Variants in CEP85L observed in about 807,000 individuals in gnomAD.
The protein encoded by CEP85L is centrosomal protein 85L.
In CEP85L, 60 loss-of-function variants were observed where a neutral mutation model predicts 100.3. The ratio of observed to expected loss-of-function variants is 0.60; its 90% confidence interval spans 0.49 to 0.74. The LOEUF is 0.74. Among genes scored for constraint, CEP85L ranks in the 30% least tolerant of loss-of-function variants. CEP85L has a pLI of 0.00. For missense variants in CEP85L, 973 were observed against 936.2 expected (o/e 1.04, Z -0.51); for synonymous variants, 319 against 322.7 (o/e 0.99, Z 0.12).
chr6:118,644,875 C>A (rs1413253715), intron 1 of CEP85L, among the ~76,000 whole-genome samples: 1 of 152,180 alleles, frequency 6.6e-6, no homozygotes, highest in Non-Finnish European at 1.5e-5. Context: ...TCTACAATTT[C>A]TTCTTCCACA....
intron 5 of CEP85L, among the ~76,000 whole-genome samples, chr6:118,505,298 G>C (rs936447456): frequency 6.6e-6 from 1 of 150,606 alleles, no homozygotes; most frequent in African/African-American, 2.4e-5. Context: ...AAAATTAGCT[G>C]TGTGTGGTGA....
intron 2 of CEP85L, among the ~76,000 whole-genome samples, chr6:118,571,587 A>ATCTC (rs376033990): frequency 6.7e-6 from 1 of 149,922 alleles, no homozygotes; most frequent in Non-Finnish European, 1.5e-5. Context: ...CAGGGATGGT[A>ATCTC]TCTCTCTCTC....
intron 1 of CEP85L, among the ~76,000 whole-genome samples, chr6:118,699,990 C>T (rs752182960): frequency 1.3e-5 from 2 of 152,148 alleles, no homozygotes; most frequent in Non-Finnish European, 2.9e-5. Flanking sequence ...CCACCATACC[C>T]GGCCTCTACT....
chr6:118,470,498 A>G (rs1266970060), intron 11 of CEP85L, 39 bp downstream of exon 11: 3 of 1,241,306 alleles, frequency 2.4e-6, no homozygotes, highest in Non-Finnish European at 3.4e-6. Context: ...TTTATAGTGA[A>G]TCATCCTTTC....
chr6:118,544,098 C>T (rs1051713893), intron 3 of CEP85L, among the ~76,000 whole-genome samples: 6 of 151,504 alleles, frequency 4.0e-5, no homozygotes, highest in African/African-American at 1.5e-4. Context: ...ATGCGAGGAG[C>T]TCAAAGGGCT....
rs567957549 is a variant in CEP85L, at chr6:118,473,455, G to A, written c.1915-2811C>T. Among the ~76,000 whole-genome samples, 7 of 152,150 alleles carry A rather than the reference G, an allele frequency of 4.6e-5. No individual in the cohort carries two copies. In the South Asian group the frequency reaches 1.5e-3, roughly 32 times the overall value. On this transcript the variant is annotated intron_variant, in intron 10 of 12. Transcript: ENST00000368491. ...TCTGTGTTTGAGAAAAAGCAAGAGAGCCAGGATGGCTGAGAATAGTAGGAG... is the reference window on the plus strand; with the variant it reads ...TCTGTGTTTGAGAAAAAGCAAGAGAACCAGGATGGCTGAGAATAGTAGGAG...
intron 6 of CEP85L, among the ~76,000 whole-genome samples, chr6:118,491,134 T>C (rs1438498563): frequency 6.6e-6 from 1 of 151,832 alleles, no homozygotes; most frequent in Non-Finnish European, 1.5e-5. Context: ...ATAGTTGTTG[T>C]ACTCGTTTAC....
intron 2 of CEP85L, among the ~76,000 whole-genome samples, chr6:118,615,697 T>C (rs1407044397): frequency 6.6e-6 from 1 of 152,166 alleles, no homozygotes; most frequent in Non-Finnish European, 1.5e-5. Flanking sequence ...GGTATCAGCT[T>C]GAGGGCTGCA....
At chr6:118,641,554 G>C (rs1774871950) in intron 1 of CEP85L, among the ~76,000 whole-genome samples, 1 of 152,112 alleles carries the variant, frequency 6.6e-6, no homozygotes, top group Non-Finnish European at 1.5e-5. Flanking sequence ...TCTATACAGA[G>C]GGCTTGACGG....
rs1772292871 is a variant in CEP85L at position 118,462,675 on chromosome 6, CAT to C, written c.*2728_*2729del. 1 of 151,872 alleles carries C rather than the reference CAT, an allele frequency of 6.6e-6. No individual in the cohort carries two copies. Among genetic ancestry groups the C allele is most frequent in the Non-Finnish European group, 1.5e-5 (1 of 67,842 alleles). The allele number at this position is 151,872 out of a possible 1,614,324, so 9.4% of individuals were successfully genotyped here. On this transcript the variant is annotated 3_prime_UTR_variant, in exon 13 of 13. Coordinates refer to ENST00000368491, the MANE Select transcript of CEP85L (RefSeq NM_001042475.3). ...TTTCATTTCAGGAATATATTGGTGTCATAACTTCCACGAACATCCTAGTTCAA... is the reference window on the plus strand; with the variant it reads ...TTTCATTTCAGGAATATATTGGTGTCAACTTCCACGAACATCCTAGTTCAA...
intron 2 of CEP85L, among the ~76,000 whole-genome samples, chr6:118,616,638 CCT>C (rs1020121603): frequency 6.7e-6 from 1 of 149,246 alleles, no homozygotes. Context: ...ACTGCAGGAC[CCT>C]GTCTTTAAAA....
Position 118,462,638 on chromosome 6 carries a change from A to G in CEP85L, c.*2767T>C, listed in dbSNP as rs1279878208. The stretch of plus-strand genomic sequence containing the variant: ...AATTTTCAAATAGATTCACTTTAAA[A>G]TTTAGGTTAATTTTCATTTCAGGAA... On this transcript the variant is annotated 3_prime_UTR_variant, in exon 13 of 13. Transcript: ENST00000368491. 2 of 152,006 alleles carry G rather than the reference A, an allele frequency of 1.3e-5. No homozygotes were observed. The highest frequency in any genetic ancestry group is 3.8e-4 in the East Asian group (2 of 5,202). 9.4% of individuals were successfully genotyped at this position (152,006 alleles called of 1,614,324 possible).
chr6:118,524,017 G>A (rs1776815643), intron 3 of CEP85L, 97 bp from the exon 4 acceptor site: 1 of 483,920 alleles, frequency 2.1e-6, no homozygotes, highest in Non-Finnish European at 3.5e-6. Flanking sequence ...TAAAAAAAAA[G>A]AACTCCCTCT....
chr6:118,601,779 T>A (rs1228785159), intron 2 of CEP85L, among the ~76,000 whole-genome samples: 2 of 152,192 alleles, frequency 1.3e-5, no homozygotes, highest in East Asian at 3.9e-4. Flanking sequence ...ATTTGTAAAC[T>A]GTCATGACGC....
At chr6:118,654,786 T>C (rs1031275097), upstream of CEP85L, among the ~76,000 whole-genome samples, 23 of 152,334 alleles carry the variant, frequency 1.5e-4, no homozygotes, top group African/African-American at 5.3e-4. Flanking sequence ...CTCACAGGAT[T>C]GCTGTGGGGT....
intron 1 of CEP85L, among the ~76,000 whole-genome samples, chr6:118,648,462 C>T (rs114188992): frequency 2.6e-5 from 4 of 152,004 alleles, no homozygotes; most frequent in African/African-American, 9.7e-5. Flanking sequence ...GTTCTATAAG[C>T]CGGGCGCGGT....
chr6:118,662,316 G>A (rs1346529152), intron 1 of CEP85L, among the ~76,000 whole-genome samples: 1 of 151,996 alleles, frequency 6.6e-6, no homozygotes, highest in Non-Finnish European at 1.5e-5. Flanking sequence ...GATCACTTGA[G>A]GTCAGGAGTT....
chr6:118,708,611 G>T (rs1027067406), intron 1 of CEP85L, among the ~76,000 whole-genome samples: 1 of 152,092 alleles, frequency 6.6e-6, no homozygotes, highest in South Asian at 2.1e-4. Flanking sequence ...TGTTTTTCTC[G>T]TATACCTGGC....
intron 3 of CEP85L, among the ~76,000 whole-genome samples, chr6:118,549,634 TTG>T (rs1213160853): frequency 6.6e-6 from 1 of 151,854 alleles, no homozygotes; most frequent in East Asian, 1.9e-4. Flanking sequence ...GGTATCCTAA[TTG>T]TGTCTCCATA....
Sources: gnomAD v4.1 joint callset for allele counts (sites outside exome capture counted in the v4.1 genomes callset) on GRCh38, gnomAD v4.1.1 for gene constraint, MANE v1.5 for transcripts, NCBI Gene and HGNC (gene_info 2026-07-23, HGNC 2026-07-21) for gene names.